The following FBXO11 variants were observed in gnomAD, a reference collection of about 807,000 sequenced individuals.
FBXO11 encodes the protein F-box protein 11.
Under a neutral mutation model 117.0 loss-of-function variants are expected in FBXO11, and 13 were observed. That is an observed-to-expected ratio of 0.11 (90% confidence interval 0.07 to 0.18). The LOEUF is 0.18. FBXO11 is among the 10% of genes least tolerant of loss of function. The probability of loss-of-function intolerance (pLI) is 1.00; values close to 1 mark genes in which losing one functional copy is unlikely to be tolerated. For missense variants in FBXO11, 767 were observed against 1,164.4 expected (o/e 0.66, Z 4.97); for synonymous variants, 490 against 380.5 (o/e 1.29, Z -3.35).
At chr2:47,845,303 T>C (rs1040711099) in intron 1 of FBXO11, among the ~76,000 whole-genome samples, 7 of 152,230 alleles carry the variant, frequency 4.6e-5, no homozygotes, top group Non-Finnish European at 8.8e-5. Context: ...AGAAGCTACA[T>C]GATTTAAGTC....
intron 1 of FBXO11, among the ~76,000 whole-genome samples, chr2:47,890,894 C>G (rs780063111): frequency 6.6e-6 from 1 of 152,098 alleles, no homozygotes; most frequent in Non-Finnish European, 1.5e-5. Flanking sequence ...CATAGCTCAC[C>G]GCAGCCTTGA....
chr2:47,843,603 C>G (rs1233502930), intron 1 of FBXO11, among the ~76,000 whole-genome samples: 1 of 152,172 alleles, frequency 6.6e-6, no homozygotes, highest in Non-Finnish European at 1.5e-5. Flanking sequence ...TCATCACTAA[C>G]AATGCTTTCT....
chr2:47,866,100 T>A (rs189221478), intron 1 of FBXO11, among the ~76,000 whole-genome samples: 1 of 150,882 alleles, frequency 6.6e-6, no homozygotes, highest in African/African-American at 2.4e-5. Context: ...CGAAAAAAAA[T>A]TGGCTGGGCA....
At chr2:47,841,022 C>A (rs1311743324) in intron 1 of FBXO11, among the ~76,000 whole-genome samples, 2 of 151,900 alleles carry the variant, frequency 1.3e-5, no homozygotes, top group Non-Finnish European at 2.9e-5. Flanking sequence ...CACAGTGAAA[C>A]CCCATCTCTA....
chr2:47,891,797 T>G (rs1677276858), intron 1 of FBXO11, among the ~76,000 whole-genome samples: 1 of 152,194 alleles, frequency 6.6e-6, no homozygotes, highest in Admixed American at 6.6e-5. Flanking sequence ...CTATGTTTTT[T>G]TTAAACAGTC....
intron 1 of FBXO11, among the ~76,000 whole-genome samples, chr2:47,870,389 G>A (rs1675536143): frequency 6.6e-6 from 1 of 152,086 alleles, no homozygotes; most frequent in African/African-American, 2.4e-5. Context: ...ACCTGTGAAC[G>A]TGGCCATATT....
chr2:47,832,912 A>G, intron 8 of FBXO11, 32 bp from the exon 9 acceptor site: 1 of 1,607,054 alleles, frequency 6.2e-7, no homozygotes. Context: ...TGAAATAAAC[A>G]ATTACTGCCT....
chr2:47,871,604 T>G (rs1041149416), intron 1 of FBXO11, among the ~76,000 whole-genome samples: 2 of 152,230 alleles, frequency 1.3e-5, no homozygotes, highest in African/African-American at 4.8e-5. Flanking sequence ...ATAGGTTTAT[T>G]AGCTTTGAGG....
rs1674587106 is a variant in FBXO11 at position 47,859,486 on chromosome 2, G to A, written c.233-19717C>T. Among the ~76,000 whole-genome samples the A allele has an allele frequency of 3.9e-5, 6 of 152,268 alleles. No individual in the cohort carries two copies. The South Asian group carries it at 1.2e-3, about 32-fold the overall frequency. ...GAGAGGTTGGGAAAAACTTGGCAAA[G>A]ATTTAAAAGTAACAGGCTCTAGATG... On this transcript the variant is annotated intron_variant, in intron 1 of 22. Coordinates refer to ENST00000403359, the MANE Select transcript of FBXO11 (RefSeq NM_001190274.2).
intron 16 of FBXO11, among the ~76,000 whole-genome samples, chr2:47,816,644 G>C (rs558263020): frequency 6.8e-6 from 1 of 147,812 alleles, no homozygotes; most frequent in East Asian, 1.9e-4. Flanking sequence ...ATCACTCCTT[G>C]ATCCAGACTG....
At chr2:47,838,707 G>A (rs931872190) in intron 4 of FBXO11, 152 bp downstream of exon 4, 6 of 620,752 alleles carry the variant, frequency 9.7e-6, no homozygotes, top group Admixed American at 9.2e-5. Context: ...TGGACTGACA[G>A]CCCCCATTTG....
At chr2:47,825,765 T>C (rs189176789) in intron 11 of FBXO11, among the ~76,000 whole-genome samples, 12 of 152,004 alleles carry the variant, frequency 7.9e-5, no homozygotes, top group African/African-American at 2.9e-4. Context: ...TTAGTAGAGA[T>C]GGAGTTTCAT....
At chr2:47,857,010 T>C (rs1042662574) in intron 1 of FBXO11, among the ~76,000 whole-genome samples, 1 of 152,196 alleles carries the variant, frequency 6.6e-6, no homozygotes, top group African/African-American at 2.4e-5. Context: ...AATGTTTAAA[T>C]GTGATAATGG....
At position 47,900,612 on chromosome 2, in the gene FBXO11, GTA is replaced by G. The variant is rs1200395250; in HGVS notation, c.232+4875_232+4876del. ...TACGTATATACACACGTATACACAC[GTA>G]TATACACACGTATACACACACGTAC... On this transcript the variant is annotated intron_variant, in intron 1 of 22. Transcript: ENST00000403359. Among the ~76,000 whole-genome samples, 449 of 62,622 alleles carry G rather than the reference GTA, an allele frequency of 7.2e-3. 25 individuals carry two copies. The highest frequency in any genetic ancestry group is 0.034 in the African/African-American group (340 of 9,900). The allele number at this position is 62,622 out of a possible 152,430, so 41.1% of individuals were successfully genotyped here. A position where few individuals can be genotyped will look rare whatever the true frequency, so the allele number is the denominator to read the frequency against.
chr2:47,828,773 G>C (rs1243337064), intron 11 of FBXO11, among the ~76,000 whole-genome samples: 1 of 152,100 alleles, frequency 6.6e-6, no homozygotes, highest in Non-Finnish European at 1.5e-5. Flanking sequence ...GAAAGAGGAG[G>C]GTGCTGGGAA....
intron 1 of FBXO11, among the ~76,000 whole-genome samples, chr2:47,870,324 C>G (rs1032285420): frequency 1.3e-5 from 2 of 152,194 alleles, no homozygotes; most frequent in African/African-American, 4.8e-5. Context: ...TACATAGTCT[C>G]TGTGTGTGGG....
At chr2:47,811,717 C>G (rs1346292787) in intron 18 of FBXO11, 1 of 152,132 alleles carries the variant, frequency 6.6e-6, no homozygotes, top group Non-Finnish European at 1.5e-5. Flanking sequence ...TCCTGAGCAC[C>G]CATCATATTT....
intron 1 of FBXO11, among the ~76,000 whole-genome samples, chr2:47,895,103 A>G (rs1422852451): frequency 6.6e-6 from 1 of 152,304 alleles, no homozygotes; most frequent in East Asian, 1.9e-4. Context: ...AGAAAATATC[A>G]GCAATGATAT....
At chr2:47,828,628 A>T (rs1671945442) in intron 11 of FBXO11, among the ~76,000 whole-genome samples, 1 of 151,990 alleles carries the variant, frequency 6.6e-6, no homozygotes, top group Non-Finnish European at 1.5e-5. Flanking sequence ...AAAAAAGACA[A>T]AATAAAAGGC....
Sources: gnomAD v4.1 joint callset for allele counts (sites outside exome capture counted in the v4.1 genomes callset) on GRCh38, gnomAD v4.1.1 for gene constraint, MANE v1.5 for transcripts, NCBI Gene and HGNC (gene_info 2026-07-23, HGNC 2026-07-21) for gene names.